The following BICDL2 variants were observed in gnomAD, a reference collection of about 807,000 sequenced individuals.
BICDL2 encodes the protein BICD family-like cargo adapter 2.
A neutral mutation model predicts 56.6 loss-of-function variants in BICDL2; 62 were observed. That is an observed-to-expected ratio of 1.10 (90% CI 0.89 to 1.35). BICDL2 has a LOEUF of 1.35. BICDL2 is among the 40% of genes most tolerant of loss of function. BICDL2 has a pLI of 0.00. For missense variants in BICDL2, 808 were observed against 684.5 expected, an observed-to-expected ratio of 1.18 and a Z score of -2.01; for synonymous variants, 358 against 319.8, an observed-to-expected ratio of 1.12 and a Z score of -1.27.
At chr16:3,034,156 C>A (rs936343361) in intron 2 of BICDL2, among the ~76,000 whole-genome samples, 1 of 152,208 alleles carries the variant, frequency 6.6e-6, no homozygotes, top group Non-Finnish European at 1.5e-5. Flanking sequence ...CAGTGCCAGG[C>A]AAGGAGTGGA....
chr16:3,036,121 C>A, intron 1 of BICDL2: 1 of 386,078 alleles, frequency 2.6e-6, no homozygotes, highest in Admixed American at 3.5e-5. Flanking sequence ...GTCCCCACCT[C>A]CAATGTCCCC....
At chr16:3,035,176 T>TTGGCCGGGGGGGGGGGGGGGGGGGGGGGG in intron 2 of BICDL2, 39 bp downstream of exon 2, 5 of 136,274 alleles carry the variant, frequency 3.7e-5, no homozygotes, top group Non-Finnish European at 6.8e-5. Context: ...CGTCCTCCCC[T>TTGGCCGGGGGGGGGGGGGGGGGGGGGGGG]GCCCACCCAC....
At position 3,028,062 on chromosome 16, in the gene BICDL2, AGT is replaced by A; in HGVS notation, c.*42_*43del. The A allele has an allele frequency of 1.4e-6, 2 of 1,395,170 alleles. No homozygotes were observed. The highest frequency in any genetic ancestry group is 1.9e-6 in the Non-Finnish European group (2 of 1,076,112). 86.4% of individuals were successfully genotyped at this position (1,395,170 alleles called of 1,614,324 possible). ...GTCGCTCCATTGGCCTGAAGAGGAA[AGT>A]GAGCCCCTAAGTGGGCAAGGGCAGC... On this transcript the variant is annotated 3_prime_UTR_variant, in exon 10 of 10. Transcript: ENST00000572449.
rs569070033 is a variant in BICDL2, at chr16:3,028,251, C to G, written c.1382G>C (p.Gly461Ala). Residue 461 changes from glycine to alanine, a missense_variant, in exon 10 of 10, where the codon GGG becomes GCG. Gly to Ala is a moderately conservative substitution (Grantham distance 60). Transcript: ENST00000572449. Reference sequence around the variant, plus strand: ...CTGGCGCTGTGAGCGCAGCTGCTGCCCGATCACCACCTGCATGTCGTCCTG... The same window carrying G: ...CTGGCGCTGTGAGCGCAGCTGCTGCGCGATCACCACCTGCATGTCGTCCTG... The part of the protein sequence containing the change: ...AWQDDMQVVI[G>A]QQLRSQRQKE... The G allele has an allele frequency of 1.6e-5, 23 of 1,476,704 alleles. No homozygotes were observed. The highest frequency in any genetic ancestry group is 2.9e-5 in the African/African-American group (2 of 67,958). The allele number at this position is 1,476,704 out of a possible 1,614,324, so 91.5% of individuals were successfully genotyped here. A position where few individuals can be genotyped will look rare whatever the true frequency, so the allele number is the denominator to read the frequency against.
At chr16:3,035,185 A>ACCCCCCCCCCCCCCC in intron 2 of BICDL2, 30 bp downstream of exon 2, 4 of 41,124 alleles carry the variant, frequency 9.7e-5, no homozygotes, top group South Asian at 2.1e-4. Flanking sequence ...CTGCCCACCC[A>ACCCCCCCCCCCCCCC]CCCACCCACC....
At chr16:3,031,202 G>A (rs1247783012) in intron 2 of BICDL2, 52 bp from the exon 3 acceptor site, 14 of 1,472,778 alleles carry the variant, frequency 9.5e-6, no homozygotes, top group Non-Finnish European at 1.2e-5. Flanking sequence ...GATGAGACTG[G>A]GCAGGCACAG....
At position 3,028,731 on chromosome 16, in the gene BICDL2, C is replaced by A; in HGVS notation, c.1207G>T (p.Ala403Ser). ...ACGGCCTCGTCCCGGTCTGAGAGGG[C>A]ACTGTGCAGGGCCTCCCCAGGGTCT... ...QEDPGEALHS[A>S]LSDRDEAVNK... is the part of the protein sequence containing the mutation. The change falls in exon 8 of 10, where the codon GCC becomes TCC. Residue 403 changes from alanine (A) to serine (S), a missense_variant. Physicochemically the swap from Ala to Ser is moderately conservative, Grantham distance 99. Transcript: ENST00000572449. The A allele has an allele frequency of 6.4e-7, 1 of 1,567,184 alleles. No homozygotes were observed. The highest frequency in any genetic ancestry group is 8.6e-7 in the Non-Finnish European group (1 of 1,156,212).
chr16:3,035,181 A>AACCCC, intron 2 of BICDL2, 34 bp downstream of exon 2: 1 of 34,310 alleles, frequency 2.9e-5, no homozygotes, highest in Non-Finnish European at 5.3e-5. Context: ...TCCCCTGCCC[A>AACCCC]CCCACCCACC....
chr16:3,033,552 A>G (rs1451203146), intron 2 of BICDL2, among the ~76,000 whole-genome samples: 1 of 152,282 alleles, frequency 6.6e-6, no homozygotes, highest in African/African-American at 2.4e-5. Context: ...AGGCTGAGGC[A>G]GGCAGTTTGG....
chr16:3,027,708 T>TA lies in BICDL2; in HGVS notation c.*397_*398insT. On this transcript the variant is annotated 3_prime_UTR_variant, in exon 10 of 10. Transcript: ENST00000572449. Reference sequence around the variant, plus strand: ...CAGGGTTTTAGAGTGTTTTTCATTTTCTTTTTTTTTTTTTTTTTACAATAA... The same window carrying TA: ...CAGGGTTTTAGAGTGTTTTTCATTTTACTTTTTTTTTTTTTTTTTACAATAA... 3.4e-6 allele frequency: 5 copies of TA among 1,449,342 alleles called. No homozygotes were observed. The highest frequency in any genetic ancestry group is 4.6e-6 in the Non-Finnish European group (5 of 1,096,028). 89.8% of individuals were successfully genotyped at this position (1,449,342 alleles called of 1,614,324 possible).
chr16:3,034,547 G>T (rs1250873328), intron 2 of BICDL2, among the ~76,000 whole-genome samples: 1 of 152,150 alleles, frequency 6.6e-6, no homozygotes, highest in Admixed American at 6.5e-5. Flanking sequence ...CTCCCAAAGT[G>T]CTGGGATTAC....
intron 2 of BICDL2, 101 bp downstream of exon 2, chr16:3,035,114 C>G: frequency 1.7e-6 from 2 of 1,202,390 alleles, no homozygotes; most frequent in South Asian, 1.5e-5. Flanking sequence ...CTCCCCAGCT[C>G]CTCTCTCCTT....
rs1955588130 is a variant in BICDL2 at position 3,028,382 on chromosome 16, T to G, written c.1325A>C (p.Lys442Thr). 1 of 1,551,170 alleles carries G rather than the reference T, an allele frequency of 6.4e-7. No individual in the cohort carries two copies. Among genetic ancestry groups the G allele is most frequent in the East Asian group, 2.4e-5 (1 of 42,138 alleles). ...SRELLRAIRQ[K>T]VALTQELEAW... ...CTCCAGCTCCTGCGTGAGCGCCACC[T>G]TCTGGCGGATGGCGCGCAGCAGCTC... Residue 442 changes from lysine to threonine, a missense_variant, in exon 9 of 10, where the codon AAG becomes ACG. Transcript: ENST00000572449.
Position 3,028,400 on chromosome 16 carries a change from A to C in BICDL2, c.1307T>G (p.Leu436Arg). ...CGCCACCTTCTGGCGGATGGCGCGCAGCAGCTCCCGAGACAGGGAGTCTCG... is the reference window on the plus strand; with the variant it reads ...CGCCACCTTCTGGCGGATGGCGCGCCGCAGCTCCCGAGACAGGGAGTCTCG... ...LERDSLSREL[L>R]RAIRQKVALT... The change falls in exon 9 of 10, where the codon CTG (leucine) becomes CGG (arginine). Residue 436 changes from leucine (L) to arginine (R), a missense_variant. Transcript: ENST00000572449. The C allele has an allele frequency of 6.4e-7, 1 of 1,553,184 alleles. No homozygotes were observed. Among genetic ancestry groups the C allele is most frequent in the African/African-American group, 1.4e-5 (1 of 73,878 alleles).
rs1288748871 is a variant in BICDL2 at position 3,030,747 on chromosome 16, C to G, written c.564G>C (p.Gln188His). 6.2e-7 allele frequency: 1 copy of G among 1,612,862 alleles called. No individual in the cohort carries two copies. The highest frequency in any genetic ancestry group is 1.1e-5 in the South Asian group (1 of 91,042). Residue 188 changes from glutamine (Q) to histidine (H), a missense_variant, in exon 4 of 10, where the codon CAG (glutamine) becomes CAC (histidine). Coordinates refer to ENST00000572449, the MANE Select transcript of BICDL2 (RefSeq NM_001369667.1). ...TCCTCAGCTCTGCTCCAGCCAGTGC[C>G]TGAGCCTGGCACTGTCCCCGAAGGG... ...LDALRGQCQAQALAGAELRTR... is the reference protein window; with the variant it reads ...LDALRGQCQAHALAGAELRTR...
chr16:3,030,634 C>T (rs1232635420), intron 4 of BICDL2, 39 bp from the exon 5 acceptor site: 2 of 1,593,332 alleles, frequency 1.3e-6, no homozygotes, highest in Admixed American at 3.5e-5. Context: ...GGGGCAGCCC[C>T]TCCCAGCCCT....
At chr16:3,028,866 G>A (rs1334892726) in intron 7 of BICDL2, 36 bp from the exon 8 acceptor site, 2 of 1,518,656 alleles carry the variant, frequency 1.3e-6, no homozygotes, top group Non-Finnish European at 1.8e-6. Flanking sequence ...CGGCAGATGG[G>A]CCAATGGGCC....
Position 3,027,883 on chromosome 16 carries a change from A to G in BICDL2, c.*223T>C. 4.9e-6 allele frequency: 4 copies of G among 821,838 alleles called. No homozygotes were observed. Among genetic ancestry groups the G allele is most frequent in the Non-Finnish European group, 7.2e-6 (4 of 559,292 alleles). The allele number at this position is 821,838 out of a possible 1,614,324, so 50.9% of individuals were successfully genotyped here. A position where few individuals can be genotyped will look rare whatever the true frequency, so the allele number is the denominator to read the frequency against. ...AGATAGACGTATATTAATTCGGAAA[A>G]TAGCTCTGTTCACCTGCCCCTGCCA... On this transcript the variant is annotated 3_prime_UTR_variant, in exon 10 of 10. Transcript: ENST00000572449.
chr16:3,029,818 C>T (rs989311723), intron 5 of BICDL2, 79 bp from the exon 6 acceptor site: 3 of 1,265,808 alleles, frequency 2.4e-6, no homozygotes, highest in Admixed American at 3.1e-5. Context: ...CAGGTCCACA[C>T]GGGGGTGCCG....
Sources: gnomAD v4.1 joint callset for allele counts (sites outside exome capture counted in the v4.1 genomes callset) on GRCh38, gnomAD v4.1.1 for gene constraint, MANE v1.5 for transcripts, NCBI Gene and HGNC (gene_info 2026-07-23, HGNC 2026-07-21) for gene names.